ZNF256: variants seen among roughly 807,000 people sequenced by gnomAD.
The protein encoded by ZNF256 is bone marrow zinc finger 3.
In ZNF256, 4 loss-of-function variants were observed where a neutral mutation model predicts 7.9. That is an observed-to-expected ratio of 0.50 (90% CI 0.25 to 1.15). The LOEUF is 1.15. Ranked by LOEUF, ZNF256 falls within the 50% of genes most tolerant of loss-of-function variation. The pLI is 0.15. For missense variants in ZNF256, 666 were observed against 755.9 expected (o/e 0.88, Z 1.39); for synonymous variants, 260 against 260.4 (o/e 1.00, Z 0.02).
Position 57,941,880 on chromosome 19 carries a change from GGTCATACTTCCT to G in ZNF256, c.916_927del (p.Arg306_Asp309del), listed in dbSNP as rs765726778. On this transcript the variant is annotated inframe_deletion, in exon 3 of 3. Coordinates refer to ENST00000282308, the MANE Select transcript of ZNF256 (RefSeq NM_005773.3). ...GTATGAACTCTCTGATGTATAAGAA[GGTCATACTTCCT>G]GTTAAATAATTTTCCACATTCATCA... The G allele has an allele frequency of 1.9e-6, 3 of 1,614,052 alleles. No homozygotes were observed.
Position 57,941,345 on chromosome 19 carries a change from G to A in ZNF256, c.1463C>T (p.Ala488Val). 2 of 1,613,346 alleles carry A rather than the reference G, an allele frequency of 1.2e-6. No homozygotes were observed. Among genetic ancestry groups the A allele is most frequent in the Non-Finnish European group, 1.7e-6 (2 of 1,179,880 alleles). The change falls in exon 3 of 3, where the codon GCA (alanine) becomes GTA (valine). Residue 488 changes from alanine to valine, a missense_variant. By Grantham distance (64) the Ala-to-Val change is moderately conservative. Transcript: ENST00000282308. ...ACACTCCCCACATTCATAAGGCCTT[G>A]CTCCAGTATGAACTTTCCAGTGTGA... The part of the protein sequence containing the change: ...LISHWKVHTG[A>V]RPYECGECGK...
Position 57,941,937 on chromosome 19 carries a change from C to T in ZNF256, c.871G>A (p.Gly291Arg). Reference protein sequence around the residue: ...SLITHRRIHTGVRPHQCDECG... With the variant: ...SLITHRRIHTRVRPHQCDECG... ...TCATCACATTGATGAGGTCTTACTC[C>T]AGTGTGAATTCTTCGGTGCGTAATA... The change falls in exon 3 of 3, where the codon GGA (glycine) becomes AGA (arginine). Residue 291 changes from glycine (G) to arginine (R), a missense_variant. Physicochemically the swap from Gly to Arg is moderately radical, Grantham distance 125. Coordinates refer to ENST00000282308, the MANE Select transcript of ZNF256 (RefSeq NM_005773.3). 9 of 1,614,220 alleles carry T rather than the reference C, an allele frequency of 5.6e-6. No homozygotes were observed. Among genetic ancestry groups the T allele is most frequent in the Non-Finnish European group, 7.6e-6 (9 of 1,180,038 alleles).
Position 57,941,819 on chromosome 19 carries a change from T to C in ZNF256, c.989A>G (p.Lys330Arg). 6.2e-7 allele frequency: 1 copy of C among 1,614,214 alleles called. No homozygotes were observed. The highest frequency in any genetic ancestry group is 8.5e-7 in the Non-Finnish European group (1 of 1,180,040). ...ERPYKCSECG[K>R]SFSHSSSLIT... ...GAGGCTAGAGCTATGGCTAAAGGAT[T>C]TCCCACATTCACTGCACTTGTAAGG... Residue 330 changes from lysine (K) to arginine (R), a missense_variant, in exon 3 of 3, where the codon AAA (lysine) becomes AGA (arginine). Coordinates refer to ENST00000282308, the MANE Select transcript of ZNF256 (RefSeq NM_005773.3).
In ZNF256 at chr19:57,942,525, A is replaced by C. The variant is rs1454061034; in HGVS notation, c.283T>G (p.Cys95Gly). The change falls in exon 3 of 3, where the codon TGT becomes GGT. Residue 95 changes from cysteine (C) to glycine (G), a missense_variant. Transcript: ENST00000282308. ...AAAATCTGTCTCAAGACTGGGCCAC[A>C]TATCTCACAGGGGTTGGTCTTCTGG... is the stretch of plus-strand genomic sequence containing the variant. ...SPQKTNPCEI[C>G]GPVLRQILHL... The C allele has an allele frequency of 1.9e-6, 3 of 1,614,110 alleles. No individual in the cohort carries two copies. Among genetic ancestry groups the C allele is most frequent in the Admixed American group, 1.7e-5 (1 of 60,008 alleles).
chr19:57,946,647 C>T (rs1313313027), intron 1 of ZNF256, among the ~76,000 whole-genome samples: 1 of 152,202 alleles, frequency 6.6e-6, no homozygotes, highest in African/African-American at 2.4e-5. Flanking sequence ...TTGTGCCCCA[C>T]TGTGCACACA....
rs1401609142 is a variant in ZNF256 at position 57,942,263 on chromosome 19, C to T, written c.545G>A (p.Arg182Lys). Reference protein sequence around the residue: ...EVGKDFLVRSRFLQQQAAHTR... With the variant: ...EVGKDFLVRSKFLQQQAAHTR... The stretch of plus-strand genomic sequence containing the variant: ...GTGAGCAGCCTGTTGCTGAAGAAAT[C>T]TTGATCTCACCAGGAAATCCTTCCC... The change falls in exon 3 of 3, where the codon AGA (arginine) becomes AAA (lysine). Residue 182 changes from arginine (R) to lysine (K), a missense_variant. Coordinates refer to ENST00000282308, the MANE Select transcript of ZNF256 (RefSeq NM_005773.3). The T allele has an allele frequency of 6.8e-6, 11 of 1,614,094 alleles. No individual in the cohort carries two copies. The highest frequency in any genetic ancestry group is 8.5e-6 in the Non-Finnish European group (10 of 1,180,032).
chr19:57,943,455 C>A (rs1027692460), intron 2 of ZNF256, among the ~76,000 whole-genome samples: 2 of 151,994 alleles, frequency 1.3e-5, no homozygotes, highest in African/African-American at 4.8e-5. Flanking sequence ...AAGACCAGCC[C>A]AGAATGACTC....
chr19:57,940,885 T>C lies in ZNF256; in HGVS notation c.*39A>G. The C allele has an allele frequency of 6.4e-7, 1 of 1,550,858 alleles. No homozygotes were observed. The highest frequency in any genetic ancestry group is 8.7e-7 in the Non-Finnish European group (1 of 1,146,366). On this transcript the variant is annotated 3_prime_UTR_variant, in exon 3 of 3. Coordinates refer to ENST00000282308, the MANE Select transcript of ZNF256 (RefSeq NM_005773.3). Reference sequence around the variant, plus strand: ...ATGTCTGTGAATTTTGCAGGGACACTTCTCAGTCCGTAACAGCCCTATGTG... The same window carrying C: ...ATGTCTGTGAATTTTGCAGGGACACCTCTCAGTCCGTAACAGCCCTATGTG...
rs780812049 is a variant in ZNF256 at position 57,942,424 on chromosome 19, T to C, written c.384A>G (p.Gln128=). Residue 128 remains glutamine, a synonymous_variant, in exon 3 of 3, where the codon CAA becomes CAG. Coordinates refer to ENST00000282308, the MANE Select transcript of ZNF256 (RefSeq NM_005773.3). Reference sequence around the variant, plus strand: ...GGTGCTGATGAAGGTATGCAGTAAATTGTAATTGTTTCCTACATGCCCCGT... The same window carrying C: ...GGTGCTGATGAAGGTATGCAGTAAACTGTAATTGTTTCCTACATGCCCCGT... ...YTDGACRKQL[Q]FTAYLHQHQK... The C allele has an allele frequency of 8.1e-6, 13 of 1,614,090 alleles. No homozygotes were observed. The highest frequency in any genetic ancestry group is 1.3e-5 in the African/African-American group (1 of 74,928).
At position 57,942,522 on chromosome 19, in the gene ZNF256, C is replaced by T. The variant is rs2072737756; in HGVS notation, c.286G>A (p.Gly96Ser). Reference sequence around the variant, plus strand: ...TGCAAAATCTGTCTCAAGACTGGGCCACATATCTCACAGGGGTTGGTCTTC... The same window carrying T: ...TGCAAAATCTGTCTCAAGACTGGGCTACATATCTCACAGGGGTTGGTCTTC... ...PQKTNPCEIC[G>S]PVLRQILHLV... is the part of the protein sequence containing the mutation. The change falls in exon 3 of 3, where the codon GGC becomes AGC. Residue 96 changes from glycine (G) to serine (S), a missense_variant. Physicochemically the swap from Gly to Ser is moderately conservative, Grantham distance 56 (BLOSUM62 0). Transcript: ENST00000282308. 2 of 1,614,174 alleles carry T rather than the reference C, an allele frequency of 1.2e-6. No individual in the cohort carries two copies. Among genetic ancestry groups the T allele is most frequent in the African/African-American group, 2.7e-5 (2 of 75,024 alleles).
Position 57,940,944 on chromosome 19 carries a change from G to A in ZNF256, c.1864C>T (p.Gln622Ter). The A allele has an allele frequency of 6.2e-7, 1 of 1,613,856 alleles. No individual in the cohort carries two copies. Reference sequence around the variant, plus strand: ...AACCTTTATCCCTTGTGAACGTTCTGATGTTTTAGGAGGTTGGAGTTGAAG... The same window carrying A: ...AACCTTTATCCCTTGTGAACGTTCTAATGTTTTAGGAGGTTGGAGTTGAAG... ...FTFNSNLLKH[Q>*]NVHKG is the part of the protein sequence containing the mutation. Residue 622 changes from glutamine (Q) to a stop codon, truncating the protein, a stop_gained, in exon 3 of 3, where the codon CAG (glutamine) becomes TAG (stop). Transcript: ENST00000282308. LOFTEE classifies it low-confidence loss of function (END_TRUNC).
chr19:57,940,922 C>A lies in ZNF256; in HGVS notation c.*2G>T. On this transcript the variant is annotated 3_prime_UTR_variant, in exon 3 of 3. Transcript: ENST00000282308. ...AACAGCCCTATGTGTGTTACCTAAC[C>A]TTTATCCCTTGTGAACGTTCTGATG... 1 of 1,612,132 alleles carries A rather than the reference C, an allele frequency of 6.2e-7. No individual in the cohort carries two copies.
intron 1 of ZNF256, among the ~76,000 whole-genome samples, chr19:57,944,913 ATTTT>A (rs113198547): frequency 2.7e-5 from 4 of 145,644 alleles, no homozygotes; most frequent in Non-Finnish European, 6.0e-5. Context: ...CAGTTTATTA[ATTTT>A]TTTTTTTTTT....
rs373310143 is a variant in ZNF256, at chr19:57,947,129, G to A, written c.33+313C>T. 1.3e-4 allele frequency among the ~76,000 whole-genome samples: 20 copies of A among 152,328 alleles called. No individual in the cohort carries two copies. In the South Asian group the frequency reaches 3.7e-3, roughly 28 times the overall value. ...CCAAGGGAAACGTAGAAAGAGCCAG[G>A]CCTCAGAGAAGAGCATCTATGGCGG... On this transcript the variant is annotated intron_variant, in intron 1 of 2. Transcript: ENST00000282308.
rs2072777177 is a variant in ZNF256 at position 57,947,631 on chromosome 19, C to T, written c.-157G>A. 1 of 665,620 alleles carries T rather than the reference C, an allele frequency of 1.5e-6. No homozygotes were observed. The highest frequency in any genetic ancestry group is 2.2e-6 in the Non-Finnish European group (1 of 458,896). 41.2% of individuals were successfully genotyped at this position (665,620 alleles called of 1,614,324 possible). A position where few individuals can be genotyped will look rare whatever the true frequency, so the allele number is the denominator to read the frequency against. On this transcript the variant is annotated 5_prime_UTR_variant, in exon 1 of 3. Coordinates refer to ENST00000282308, the MANE Select transcript of ZNF256 (RefSeq NM_005773.3). Reference sequence around the variant, plus strand: ...AGTCACGGATGATGCTGACCCAGCGCTCCGGGGCTTTCTACCAAGTAATCA... The same window carrying T: ...AGTCACGGATGATGCTGACCCAGCGTTCCGGGGCTTTCTACCAAGTAATCA...
At chr19:57,945,226 T>C (rs990990158) in intron 1 of ZNF256, among the ~76,000 whole-genome samples, 1 of 152,052 alleles carries the variant, frequency 6.6e-6, no homozygotes, top group African/African-American at 2.4e-5. Flanking sequence ...CAAATACTCA[T>C]AGCCTGTGAA....
chr19:57,947,652 A>G lies in ZNF256; in HGVS notation c.-178T>C. The G allele has an allele frequency of 1.8e-6, 1 of 548,238 alleles. No homozygotes were observed. The allele number at this position is 548,238 out of a possible 1,614,324, so 34.0% of individuals were successfully genotyped here. On this transcript the variant is annotated 5_prime_UTR_variant, in exon 1 of 3. Coordinates refer to ENST00000282308, the MANE Select transcript of ZNF256 (RefSeq NM_005773.3). ...AGCGCTCCGGGGCTTTCTACCAAGTAATCAGTCCAGACAAATGCCAAAACG... is the reference window on the plus strand; with the variant it reads ...AGCGCTCCGGGGCTTTCTACCAAGTGATCAGTCCAGACAAATGCCAAAACG...
At position 57,947,654 on chromosome 19, in the gene ZNF256, T is replaced by A; in HGVS notation, c.-180A>T. 1.9e-6 allele frequency: 1 copy of A among 537,230 alleles called. No individual in the cohort carries two copies. The highest frequency in any genetic ancestry group is 2.9e-6 in the Non-Finnish European group (1 of 346,862). The allele number at this position is 537,230 out of a possible 1,614,324, so 33.3% of individuals were successfully genotyped here. Reference sequence around the variant, plus strand: ...CGCTCCGGGGCTTTCTACCAAGTAATCAGTCCAGACAAATGCCAAAACGAC... The same window carrying A: ...CGCTCCGGGGCTTTCTACCAAGTAAACAGTCCAGACAAATGCCAAAACGAC... On this transcript the variant is annotated 5_prime_UTR_variant, in exon 1 of 3. Transcript: ENST00000282308.
In ZNF256 at chr19:57,942,111, G is replaced by T. The variant is rs765923760; in HGVS notation, c.697C>A (p.Leu233Ile). ...KHVRVQHQGD[L>I]IRERSYMCSE... ...CACATGTAAGATCTTTCCCTAATGA[G>T]GTCTCCCTGGTGCTGAACACGTACA... The change falls in exon 3 of 3, where the codon CTC becomes ATC. Residue 233 changes from leucine (L) to isoleucine (I), a missense_variant. By Grantham distance (5) the Leu-to-Ile change is conservative. Transcript: ENST00000282308. 2.1e-5 allele frequency: 34 copies of T among 1,614,232 alleles called. No individual in the cohort carries two copies. The Admixed American group carries it at 5.7e-4, about 27-fold the overall frequency.
Sources: allele counts gnomAD v4.1 joint callset (sites outside exome capture counted in the v4.1 genomes callset), GRCh38; gene constraint gnomAD v4.1.1; transcripts MANE v1.5; gene names NCBI Gene and HGNC (gene_info 2026-07-23, HGNC 2026-07-21).